Variants in DDX11 observed in about 807,000 individuals in gnomAD.
DDX11 encodes ATP-dependent DNA helicase DDX11.
A neutral mutation model predicts 125.2 loss-of-function variants in DDX11; 72 were observed. The ratio of observed to expected loss-of-function variants is 0.58; its 90% confidence interval spans 0.48 to 0.70. DDX11 has a LOEUF of 0.70. DDX11 is among the 30% of genes least tolerant of loss of function. The pLI is 0.00. For synonymous variants in DDX11, 347 were observed against 452.6 expected (o/e 0.77, Z 2.96); for missense variants, 883 against 1,165.0 (o/e 0.76, Z 3.52).
At chr12:31,092,698 C>G in intron 10 of DDX11, 148 bp from the exon 11 acceptor site, 2 of 818,000 alleles carry the variant, frequency 2.4e-6, no homozygotes, top group Admixed American at 2.0e-5. Flanking sequence ...GCTGTGGAAA[C>G]CCGTACCTTT....
rs545233813 is a variant in DDX11, at chr12:31,103,744, T to G, written c.2691+13T>G. 5.8e-5 allele frequency: 94 copies of G among 1,613,618 alleles called. No individual in the cohort carries two copies. Among genetic ancestry groups the G allele is most frequent in the Middle Eastern group, 1.7e-4 (1 of 5,752 alleles). ...TGCTGTGCAGAAGGTCAGTCCTACC[T>G]TTTTCTTTCTGAGAGCCTCCCCACC... On this transcript the variant is annotated intron_variant, in intron 26 of 26. Transcript: ENST00000542838.
intron 15 of DDX11, 85 bp from the exon 16 acceptor site, chr12:31,096,552 G>A: frequency 1.3e-6 from 2 of 1,588,586 alleles, no homozygotes; most frequent in South Asian, 2.3e-5. Flanking sequence ...AGGTGTCTTG[G>A]GCCTGGCAGA....
At chr12:31,099,157 G>A (rs7957732) in intron 18 of DDX11, among the ~76,000 whole-genome samples, 33 of 139,618 alleles carry the variant, frequency 2.4e-4, no homozygotes, top group Non-Finnish European at 3.6e-4. Flanking sequence ...ACCTGATCAC[G>A]GCTCTCTGCA....
intron 17 of DDX11, among the ~76,000 whole-genome samples, 173 bp from the exon 18 acceptor site, chr12:31,097,712 G>A (rs557431485): frequency 1.0e-4 from 15 of 148,700 alleles, no homozygotes; most frequent in Non-Finnish European, 1.8e-4. Context: ...GGAGAGGACA[G>A]TGTGGTCCAC....
chr12:31,103,243 G>A, intron 24 of DDX11, 74 bp from the exon 25 acceptor site: 7 of 1,567,590 alleles, frequency 4.5e-6, no homozygotes, highest in Admixed American at 1.9e-5. Context: ...TGGCTCCAAA[G>A]CCTGGCAGGG....
intron 4 of DDX11, 102 bp downstream of exon 4, chr12:31,084,771 C>T (rs578071430): frequency 1.7e-6 from 2 of 1,151,234 alleles, no homozygotes; most frequent in South Asian, 2.7e-5. Flanking sequence ...CCTCCGTGAC[C>T]CTCACTGGCT....
chr12:31,094,258 A>T (rs1411451107), intron 12 of DDX11: 1 of 363,276 alleles, frequency 2.8e-6, no homozygotes, highest in Non-Finnish European at 5.4e-6. Flanking sequence ...CCTCAGGCTC[A>T]CCAGTGGCCT....
chr12:31,103,141 G>A lies in DDX11; in HGVS notation c.2457+121G>A, dbSNP rs3825318. ...TGCGCTGGCGTCTCCTGCCCCCTCC[G>A]GAAGCTTGGATGCCCCTCCACACCC... is the stretch of plus-strand genomic sequence containing the variant. On this transcript the variant is annotated intron_variant, in intron 24 of 26. Transcript: ENST00000542838. 0.49 allele frequency: 650,064 copies of A among 1,340,208 alleles called. 164,425 individuals carry two copies. Among genetic ancestry groups the A allele is most frequent in the East Asian group, 0.85 (34,262 of 40,536 alleles). 83.0% of individuals were successfully genotyped at this position (1,340,208 alleles called of 1,614,324 possible). A position where few individuals can be genotyped will look rare whatever the true frequency, so the allele number is the denominator to read the frequency against.
Position 31,103,946 on chromosome 12 carries a change from C to G in DDX11, c.*110C>G, listed in dbSNP as rs1278334901. On this transcript the variant is annotated 3_prime_UTR_variant, in exon 27 of 27. Transcript: ENST00000542838. Reference sequence around the variant, plus strand: ...GGGATCCTGTTACAAAGGTGAAACCCAGGAGGAGAGTGTGGAGTCCAGAGT... The same window carrying G: ...GGGATCCTGTTACAAAGGTGAAACCGAGGAGGAGAGTGTGGAGTCCAGAGT... The G allele has an allele frequency of 6.2e-7, 1 of 1,608,956 alleles. No individual in the cohort carries two copies.
rs1412327582 is a variant in DDX11, at chr12:31,085,771, A to G, written c.638+645A>G. Among the ~76,000 whole-genome samples the G allele has an allele frequency of 7.2e-5, 11 of 151,822 alleles. No individual in the cohort carries two copies. The South Asian group carries it at 8.4e-4, about 12-fold the overall frequency. ...ATGGCACTGTCCAGATGCTGTGGAC[A>G]TAGAAGGGAAGAAGACATGGAGGGG... On this transcript the variant is annotated intron_variant, in intron 5 of 26. Coordinates refer to ENST00000542838, the MANE Select transcript of DDX11 (RefSeq NM_030653.4).
intron 2 of DDX11, among the ~76,000 whole-genome samples, chr12:31,083,312 T>TA (rs1555209755): frequency 1.3e-3 from 162 of 128,836 alleles, no homozygotes; most frequent in South Asian, 0.012. Flanking sequence ...TTAGTTTGCT[T>TA]AAAAAAAAAA....
chr12:31,079,319 A>T (rs1294561705), intron 2 of DDX11, among the ~76,000 whole-genome samples: 1 of 146,010 alleles, frequency 6.8e-6, no homozygotes. Context: ...CATACAGATA[A>T]CTCCTGTCTT....
intron 18 of DDX11, among the ~76,000 whole-genome samples, chr12:31,100,001 C>T (rs150987811): frequency 0.015 from 2,328 of 152,232 alleles, 59 homozygotes; most frequent in African/African-American, 0.054. Flanking sequence ...TAGTGGGCTG[C>T]GTGGTTCTCT....
Position 31,089,504 on chromosome 12 carries a change from C to G in DDX11, c.880+14C>G. ...GAAGCAGGCACGGTAGCCACTGGGA[C>G]CATGGTGTAGCCGCAGGTGGTCTGG... On this transcript the variant is annotated intron_variant, in intron 8 of 26. Transcript: ENST00000542838. The G allele has an allele frequency of 6.2e-7, 1 of 1,609,932 alleles. No homozygotes were observed. The highest frequency in any genetic ancestry group is 8.5e-7 in the Non-Finnish European group (1 of 1,176,306).
chr12:31,094,862 C>T, intron 14 of DDX11, 40 bp downstream of exon 14: 3 of 1,601,082 alleles, frequency 1.9e-6, no homozygotes, highest in Non-Finnish European at 2.6e-6. Flanking sequence ...ATCCAATTTC[C>T]TTCCTGTCAC....
chr12:31,087,913 T>A, intron 5 of DDX11, 25 bp from the exon 6 acceptor site: 1 of 1,606,124 alleles, frequency 6.2e-7, no homozygotes, highest in Non-Finnish European at 8.5e-7. Context: ...GGAAGACTGT[T>A]TTCTGTTCTC....
At chr12:31,092,614 T>C (rs1269741638) in intron 10 of DDX11, among the ~76,000 whole-genome samples, 1 of 152,088 alleles carries the variant, frequency 6.6e-6, no homozygotes, top group East Asian at 1.9e-4. Context: ...TCTTGCTTTT[T>C]CTCTGACCCA....
intron 4 of DDX11, 89 bp from the exon 5 acceptor site, chr12:31,084,880 C>T (rs764887754): frequency 2.2e-5 from 33 of 1,495,534 alleles, no homozygotes; most frequent in Middle Eastern, 1.7e-4. Context: ...GTGAATGGGG[C>T]GTGGTGTGCT....
At position 31,092,827 on chromosome 12, in the gene DDX11, G is replaced by T; in HGVS notation, c.1243-19G>T. ...CCCTCAGCTGCTTGCTCAGAGCCTG[G>T]TTTGTGTTCTTTCCCCAGCTCTGCC... On this transcript the variant is annotated intron_variant, in intron 10 of 26. Transcript: ENST00000542838. 1 of 1,613,604 alleles carries T rather than the reference G, an allele frequency of 6.2e-7. No homozygotes were observed. The highest frequency in any genetic ancestry group is 1.1e-5 in the South Asian group (1 of 91,062).
Sources: allele counts gnomAD v4.1 joint callset (sites outside exome capture counted in the v4.1 genomes callset), GRCh38; gene constraint gnomAD v4.1.1; transcripts MANE v1.5; gene names NCBI Gene and HGNC (gene_info 2026-07-23, HGNC 2026-07-21).